NAV2: variants seen among roughly 807,000 people sequenced by gnomAD.
NAV2 encodes the protein neuron navigator 2.
A neutral mutation model predicts 223.2 loss-of-function variants in NAV2; 54 were observed. The ratio of observed to expected loss-of-function variants is 0.24; its 90% CI spans 0.19 to 0.30. NAV2 has a LOEUF of 0.30. Ranked by LOEUF, NAV2 falls within the 10% of genes least tolerant of loss-of-function variation. The probability of loss-of-function intolerance (pLI) is 1.00; values close to 1 mark genes in which losing one functional copy is unlikely to be tolerated. For missense variants in NAV2, 2,806 were observed against 3,147.5 expected, an observed-to-expected ratio of 0.89 and a Z score of 2.60; for synonymous variants, 1,279 against 1,239.3, an observed-to-expected ratio of 1.03 and a Z score of -0.67.
At chr11:19,551,280 C>G (rs2044681446) in intron 1 of NAV2, among the ~76,000 whole-genome samples, 1 of 152,248 alleles carries the variant, frequency 6.6e-6, no homozygotes, top group Non-Finnish European at 1.5e-5. Context: ...AGTTCCATGT[C>G]TACGCAAACA....
chr11:19,385,426 G>A (rs1429534233), intron 1 of NAV2, among the ~76,000 whole-genome samples: 5 of 152,204 alleles, frequency 3.3e-5, no homozygotes, highest in Admixed American at 2.0e-4. Flanking sequence ...GCCTTGTTAA[G>A]TTAGCCACCA....
chr11:19,625,387 A>G (rs2047137754), intron 1 of NAV2, among the ~76,000 whole-genome samples: 1 of 152,158 alleles, frequency 6.6e-6, no homozygotes, highest in African/African-American at 2.4e-5. Flanking sequence ...ACAGAATTTC[A>G]TTTCTTTTTT....
chr11:19,629,542 GACACACACACACACAC>G (rs10604730), intron 1 of NAV2, among the ~76,000 whole-genome samples: 2 of 134,714 alleles, frequency 1.5e-5, no homozygotes, highest in South Asian at 2.5e-4. Flanking sequence ...CTCTCTCTCT[GACACACACACACACAC>G]ACACACACAC....
At chr11:19,962,818 AC>A (rs1163511490) in intron 10 of NAV2, among the ~76,000 whole-genome samples, 1 of 152,206 alleles carries the variant, frequency 6.6e-6, no homozygotes, top group Non-Finnish European at 1.5e-5. Flanking sequence ...AGAGCCTTCT[AC>A]CTATAAATCA....
At chr11:19,842,176 T>A (rs2060547052) in intron 2 of NAV2, among the ~76,000 whole-genome samples, 1 of 152,208 alleles carries the variant, frequency 6.6e-6, no homozygotes. Flanking sequence ...ATGAACTGCA[T>A]TCACCCAGGG....
rs991827623 is a variant in NAV2 at position 20,105,407 on chromosome 11, A to G, written c.6645-124A>G. The G allele has an allele frequency of 4.8e-5, 35 of 735,776 alleles. No individual in the cohort carries two copies. In the Admixed American group the frequency reaches 7.8e-4, roughly 16 times the overall value. The allele number at this position is 735,776 out of a possible 1,614,324, so 45.6% of individuals were successfully genotyped here. On this transcript the variant is annotated intron_variant, in intron 34 of 37. Coordinates refer to ENST00000349880, the MANE Select transcript of NAV2 (RefSeq NM_145117.5). ...CAATGTTTAGAAGAGTGTTCGGTGC[A>G]TAGCTAATCCAATTTGTTGCATTAG... is the stretch of plus-strand genomic sequence containing the variant.
chr11:19,554,372 T>G (rs1476611914), intron 1 of NAV2, among the ~76,000 whole-genome samples: 1 of 152,184 alleles, frequency 6.6e-6, no homozygotes, highest in African/African-American at 2.4e-5. Flanking sequence ...CCTTACAGTT[T>G]GTGATTTGTC....
chr11:19,716,277 C>A (rs2050304030), intron 1 of NAV2, among the ~76,000 whole-genome samples: 1 of 152,138 alleles, frequency 6.6e-6, no homozygotes. Flanking sequence ...CTTTTAAAGT[C>A]AGATGGGTAT....
At chr11:19,545,262 T>G (rs1269328676) in intron 1 of NAV2, among the ~76,000 whole-genome samples, 1 of 152,210 alleles carries the variant, frequency 6.6e-6, no homozygotes, top group Non-Finnish European at 1.5e-5. Flanking sequence ...GATTTGTGTC[T>G]CCATACTGCC....
At chr11:19,616,847 T>G (rs992685158) in intron 1 of NAV2, among the ~76,000 whole-genome samples, 5 of 152,012 alleles carry the variant, frequency 3.3e-5, no homozygotes, top group African/African-American at 1.2e-4. Flanking sequence ...GGGGTTAGCA[T>G]AGAGATGTAG....
chr11:19,765,399 C>T (rs11025248), intron 1 of NAV2, among the ~76,000 whole-genome samples: 21 of 72,174 alleles, frequency 2.9e-4, no homozygotes, highest in African/African-American at 7.4e-4. Context: ...CCTTCCCTCC[C>T]TCCCTCTCTC....
At position 19,994,631 on chromosome 11, in the gene NAV2, G is replaced by A. The variant is rs575111580; in HGVS notation, c.2768+10384G>A. Among the ~76,000 whole-genome samples the A allele has an allele frequency of 2.6e-5, 4 of 152,026 alleles. No individual in the cohort carries two copies. In the East Asian group the frequency reaches 5.8e-4, roughly 22 times the overall value. On this transcript the variant is annotated intron_variant, in intron 11 of 37. Coordinates refer to ENST00000349880, the MANE Select transcript of NAV2 (RefSeq NM_145117.5). Reference sequence around the variant, plus strand: ...TGTTACTGAAATGTAAGATCTGATTGAAATAAGCCCAGAATATAAGGCACT... The same window carrying A: ...TGTTACTGAAATGTAAGATCTGATTAAAATAAGCCCAGAATATAAGGCACT...
At chr11:19,959,472 C>A (rs2153401381) in intron 10 of NAV2, among the ~76,000 whole-genome samples, 1 of 152,298 alleles carries the variant, frequency 6.6e-6, no homozygotes, top group East Asian at 1.9e-4. Flanking sequence ...TTCTGGGAAG[C>A]CCACTGTGCT....
At chr11:19,882,045 T>G (rs2063246895) in intron 5 of NAV2, among the ~76,000 whole-genome samples, 1 of 152,180 alleles carries the variant, frequency 6.6e-6, no homozygotes, top group African/African-American at 2.4e-5. Flanking sequence ...CCAGTTAAAC[T>G]GGATAGGGTT....
chr11:19,820,978 G>C (rs914673339), intron 1 of NAV2, among the ~76,000 whole-genome samples: 2 of 152,118 alleles, frequency 1.3e-5, no homozygotes, highest in Admixed American at 6.6e-5. Flanking sequence ...GAGGAAGATC[G>C]AGGGCCGGGC....
chr11:19,541,917 C>T (rs1047111694), intron 1 of NAV2, among the ~76,000 whole-genome samples: 4 of 152,142 alleles, frequency 2.6e-5, no homozygotes, highest in African/African-American at 9.7e-5. Context: ...TTGCCTTTGG[C>T]TGGAAAGGGG....
chr11:19,777,715 T>TGTGTG (rs1420852051), intron 1 of NAV2: 1 of 405,854 alleles, frequency 2.5e-6, no homozygotes, highest in Non-Finnish European at 5.0e-6. Flanking sequence ...AGTCGATGTG[T>TGTGTG]GTATGTCTCT....
rs887490112 is a variant in NAV2 at position 19,351,113 on chromosome 11, C to T, written c.75+86C>T. The T allele has an allele frequency of 9.9e-6, 13 of 1,310,852 alleles. No individual in the cohort carries two copies. The Admixed American group carries it at 2.6e-4, about 26-fold the overall frequency. 81.2% of individuals were successfully genotyped at this position (1,310,852 alleles called of 1,614,324 possible). A position where few individuals can be genotyped will look rare whatever the true frequency, so the allele number is the denominator to read the frequency against. The stretch of plus-strand genomic sequence containing the variant: ...GAGAGCATAGGTGGTCATCATCGAG[C>T]ATGCTTGTCTGTCTTTCTCTCCGGA... On this transcript the variant is annotated intron_variant, in intron 1 of 37. Coordinates refer to the NAV2 transcript ENST00000360655.
chr11:20,044,092 A>C lies in NAV2; in HGVS notation c.3019A>C (p.Lys1007Gln). The C allele has an allele frequency of 6.2e-7, 1 of 1,614,200 alleles. No individual in the cohort carries two copies. The highest frequency in any genetic ancestry group is 8.5e-7 in the Non-Finnish European group (1 of 1,180,032). Reference sequence around the variant, plus strand: ...CGGCATAAAAATGGAGCCAGGTTCCAAGTGGAGGCGGAATCCTTCTGATGT... The same window carrying C: ...CGGCATAAAAATGGAGCCAGGTTCCCAGTGGAGGCGGAATCCTTCTGATGT... ...DSGIKMEPGSKWRRNPSDVSD... is the reference protein window; with the variant it reads ...DSGIKMEPGSQWRRNPSDVSD... Residue 1007 changes from lysine to glutamine, a missense_variant, in exon 13 of 38, where the codon AAG becomes CAG. Transcript: ENST00000349880.
Sources: allele counts gnomAD v4.1 joint callset (sites outside exome capture counted in the v4.1 genomes callset), GRCh38; gene constraint gnomAD v4.1.1; transcripts MANE v1.5; gene names NCBI Gene and HGNC (gene_info 2026-07-23, HGNC 2026-07-21).